The following CNMD variants were observed in gnomAD, a reference collection of about 807,000 sequenced individuals.
The protein encoded by CNMD is leukocyte cell-derived chemotaxin 1.
In CNMD, 30 loss-of-function variants were observed where a neutral mutation model predicts 37.5. The observed-to-expected ratio is 0.80, with a 90% CI of 0.60 to 1.09. The LOEUF (loss-of-function observed/expected upper bound fraction) is 1.09, where lower values mean the gene tolerates loss of function less well. Among genes scored for constraint, CNMD ranks in the 50% least tolerant of loss-of-function variants. The pLI, the probability that CNMD is intolerant of heterozygous loss-of-function variation, is 0.00. For missense variants in CNMD, 398 were observed against 423.9 expected (o/e 0.94, Z 0.54); for synonymous variants, 167 against 148.2 (o/e 1.13, Z -0.92).
At chr13:52,721,126 C>T (rs1964475011) in intron 4 of CNMD, among the ~76,000 whole-genome samples, 1 of 152,144 alleles carries the variant, frequency 6.6e-6, no homozygotes, top group Admixed American at 6.6e-5. Context: ...ACTCAAGCCT[C>T]AGTGATGGCT....
Position 52,739,617 on chromosome 13 carries a change from T to G in CNMD, c.72+13A>C, listed in dbSNP as rs1566235833. On this transcript the variant is annotated intron_variant, in intron 1 of 6. Coordinates refer to ENST00000377962, the MANE Select transcript of CNMD (RefSeq NM_007015.3). The surrounding 1 kb of genome is among the most constrained non-coding windows in gnomAD (Gnocchi z 5.4). ...ACCCAGGCCCTGCGTGTGGAATCCCTGGCGGTACTCACCGGGGGGCTGCAG... is the reference window on the plus strand; with the variant it reads ...ACCCAGGCCCTGCGTGTGGAATCCCGGGCGGTACTCACCGGGGGGCTGCAG... 1.9e-6 allele frequency: 3 copies of G among 1,611,282 alleles called. No homozygotes were observed. Among genetic ancestry groups the G allele is most frequent in the Admixed American group, 3.3e-5 (2 of 59,994 alleles).
At chr13:52,725,169 C>T (rs1964551528) in intron 3 of CNMD, among the ~76,000 whole-genome samples, 1 of 152,194 alleles carries the variant, frequency 6.6e-6, no homozygotes, top group Admixed American at 6.5e-5. Context: ...CCCATAAGTC[C>T]TCCTGTCTTC....
intron 3 of CNMD, 87 bp downstream of exon 3, chr13:52,733,132 T>C (rs1419423886): frequency 3.1e-6 from 4 of 1,283,114 alleles, no homozygotes; most frequent in Non-Finnish European, 4.5e-6. Flanking sequence ...CATTTGGATG[T>C]GTGTGAGAAA....
At chr13:52,724,715 G>A (rs1013693305) in intron 3 of CNMD, among the ~76,000 whole-genome samples, 1 of 151,774 alleles carries the variant, frequency 6.6e-6, no homozygotes, top group African/African-American at 2.4e-5. Flanking sequence ...TGGCCACCAT[G>A]GTGAAACCTT....
chr13:52,714,035 C>T (rs1964331428), intron 4 of CNMD, among the ~76,000 whole-genome samples: 1 of 152,166 alleles, frequency 6.6e-6, no homozygotes, highest in Non-Finnish European at 1.5e-5. Context: ...GTCCAGGGTG[C>T]CCGGGTGACC....
In CNMD at chr13:52,703,854, A is replaced by G. The variant is rs57557507; in HGVS notation, c.790-44T>C. ...TTATTTGTGATAACTGCATAGTGGG[A>G]AGGTCATAGCATGCATGTTATTTTT... On this transcript the variant is annotated intron_variant, in intron 6 of 6. Coordinates refer to ENST00000377962, the MANE Select transcript of CNMD (RefSeq NM_007015.3). The G allele has an allele frequency of 2.7e-3, 4,125 of 1,534,078 alleles. 79 individuals carry two copies. The African/African-American group carries it at 0.047, about 18-fold the overall frequency.
At chr13:52,730,965 C>T (rs1291550369) in intron 3 of CNMD, among the ~76,000 whole-genome samples, 1 of 152,150 alleles carries the variant, frequency 6.6e-6, no homozygotes, top group African/African-American at 2.4e-5. Flanking sequence ...TCTAGCCCCA[C>T]CTGCATCCCC....
At chr13:52,711,406 G>C (rs549723695) in intron 5 of CNMD, among the ~76,000 whole-genome samples, 112 of 152,292 alleles carry the variant, frequency 7.4e-4, no homozygotes, top group African/African-American at 2.2e-3. Flanking sequence ...GCAAGAGCAG[G>C]AATGGCAACA....
At chr13:52,729,359 T>C (rs978455296) in intron 3 of CNMD, among the ~76,000 whole-genome samples, 2 of 152,216 alleles carry the variant, frequency 1.3e-5, no homozygotes, top group African/African-American at 4.8e-5. Context: ...TAAATATCAG[T>C]GTCTAGAACC....
At chr13:52,724,197 C>T (rs192303695) in intron 3 of CNMD, 87 bp from the exon 4 acceptor site, 14 of 984,120 alleles carry the variant, frequency 1.4e-5, no homozygotes, top group East Asian at 7.4e-5. Context: ...GATGCTGTTC[C>T]GGGTGCTAGG....
intron 4 of CNMD, among the ~76,000 whole-genome samples, chr13:52,714,641 A>G (rs1186165029): frequency 6.6e-6 from 1 of 152,220 alleles, no homozygotes; most frequent in Non-Finnish European, 1.5e-5. Context: ...GTGTTTAAGA[A>G]TAAAAGACTT....
chr13:52,712,530 C>T (rs1351592557), intron 5 of CNMD, among the ~76,000 whole-genome samples, 186 bp downstream of exon 5: 1 of 152,152 alleles, frequency 6.6e-6, no homozygotes, highest in Admixed American at 6.5e-5. Context: ...CTTCCCTTCC[C>T]TTCAATAGTC....
chr13:52,734,055 C>T (rs1266176915), intron 2 of CNMD, among the ~76,000 whole-genome samples: 2 of 152,324 alleles, frequency 1.3e-5, no homozygotes, highest in East Asian at 3.9e-4. Context: ...GGGGCAGGCC[C>T]ATGGTGCTGT....
chr13:52,730,865 T>C (rs1964654596), intron 3 of CNMD, among the ~76,000 whole-genome samples: 1 of 152,090 alleles, frequency 6.6e-6, no homozygotes, highest in African/African-American at 2.4e-5. Flanking sequence ...CGTCGGGGGT[T>C]GTTTTCTTCC....
chr13:52,738,563 A>C (rs1434346451), intron 2 of CNMD, among the ~76,000 whole-genome samples: 2 of 152,196 alleles, frequency 1.3e-5, no homozygotes, highest in Non-Finnish European at 2.9e-5. Context: ...TCTGAAAGGC[A>C]AAAATTCCTT....
chr13:52,724,697 G>A (rs1964543945), intron 3 of CNMD, among the ~76,000 whole-genome samples: 1 of 152,008 alleles, frequency 6.6e-6, no homozygotes, highest in East Asian at 1.9e-4. Context: ...GGGAGTTTGA[G>A]ACCAGCCTGG....
At chr13:52,704,836 TG>T (rs1316919028) in intron 6 of CNMD, among the ~76,000 whole-genome samples, 26 of 151,942 alleles carry the variant, frequency 1.7e-4, no homozygotes, top group African/African-American at 6.0e-4. Context: ...CCAAGGTGGG[TG>T]GATCACCTGA....
rs769348264 is a variant in CNMD, at chr13:52,733,203, C to T, written c.354+16G>A. The T allele has an allele frequency of 6.2e-7, 1 of 1,613,874 alleles. No homozygotes were observed. The highest frequency in any genetic ancestry group is 2.2e-5 in the East Asian group (1 of 44,862). On this transcript the variant is annotated intron_variant, in intron 3 of 6. Transcript: ENST00000377962. ...CTTGCCTGGTTAAATTCTCTAAATG[C>T]ATGAAATATACTTACATTCTGGAAA...
At chr13:52,707,513 G>T (rs560933199) in intron 6 of CNMD, among the ~76,000 whole-genome samples, 2 of 152,272 alleles carry the variant, frequency 1.3e-5, no homozygotes, top group South Asian at 4.2e-4. Context: ...GCCCCTGAGG[G>T]CACAGTCTCC....
Sources: allele counts gnomAD v4.1 joint callset (sites outside exome capture counted in the v4.1 genomes callset), GRCh38; gene constraint gnomAD v4.1.1; non-coding constraint Gnocchi (gnomAD v3.1); transcripts MANE v1.5; gene names NCBI Gene and HGNC (gene_info 2026-07-23, HGNC 2026-07-21).